Variants in ZRANB1 observed in about 807,000 individuals in gnomAD.
The protein encoded by ZRANB1 is ubiquitin thioesterase ZRANB1.
ZRANB1 carries 16 observed loss-of-function variants against 80.5 expected under a neutral mutation model. That is an observed-to-expected ratio of 0.20 (90% confidence interval 0.13 to 0.30). ZRANB1 has a LOEUF of 0.30. Ranked by LOEUF, ZRANB1 falls within the 10% of genes least tolerant of loss-of-function variation. The pLI is 1.00. For synonymous variants in ZRANB1, 291 were observed against 293.1 expected, an observed-to-expected ratio of 0.99 and a Z score of 0.07; for missense variants, 576 against 862.6, an observed-to-expected ratio of 0.67 and a Z score of 4.16.
the ZRANB1 span, chr10:124,917,212 GCCA>G: frequency 1.2e-5 from 2 of 172,296 alleles, no homozygotes; most frequent in Non-Finnish European, 2.3e-5. Flanking sequence ...CGCCGCCGCC[GCCA>G]AGCGCCCGTC....
chr10:124,938,876 A>G (rs1196672055), upstream of ZRANB1, among the ~76,000 whole-genome samples: 2 of 151,812 alleles, frequency 1.3e-5, no homozygotes, highest in Non-Finnish European at 2.9e-5. Context: ...CTGGCTAATT[A>G]AAAAAAAGTT....
At chr10:124,936,435 G>A in the ZRANB1 span, among the ~76,000 whole-genome samples, 1 of 152,180 alleles carries the variant, frequency 6.6e-6, no homozygotes, top group Non-Finnish European at 1.5e-5. Context: ...GGGTGCAGAG[G>A]TATTAATAGT....
intron 1 of ZRANB1, among the ~76,000 whole-genome samples, chr10:124,944,495 C>CTT (rs1951563376): frequency 9.2e-6 from 1 of 108,784 alleles, no homozygotes; most frequent in Non-Finnish European, 1.9e-5. Flanking sequence ...CCCCCCCCCC[C>CTT]CCCGCCCCAA....
chr10:124,956,397 C>T (rs1951687917), intron 1 of ZRANB1, among the ~76,000 whole-genome samples: 1 of 152,164 alleles, frequency 6.6e-6, no homozygotes, highest in Non-Finnish European at 1.5e-5. Context: ...ATAGTTTCTT[C>T]TTCTCTCTAC....
chr10:124,980,766 A>T (rs753365023), intron 5 of ZRANB1, among the ~76,000 whole-genome samples: 6 of 152,104 alleles, frequency 3.9e-5, no homozygotes, highest in Non-Finnish European at 8.8e-5. Context: ...GACACCACCC[A>T]TTTAACTTTT....
chr10:124,980,419 TTA>T (rs1272183571), intron 5 of ZRANB1, among the ~76,000 whole-genome samples: 1 of 152,264 alleles, frequency 6.6e-6, no homozygotes, highest in Non-Finnish European at 1.5e-5. Flanking sequence ...CTTAGCTGTC[TTA>T]TTTATAAAGT....
At position 124,984,937 on chromosome 10, in the gene ZRANB1, G is replaced by A. The variant is rs771314435; in HGVS notation, c.2072G>A (p.Arg691Gln). 14 of 1,613,920 alleles carry A rather than the reference G, an allele frequency of 8.7e-6. No homozygotes were observed. Among genetic ancestry groups the A allele is most frequent in the Non-Finnish European group, 1.2e-5 (14 of 1,179,996 alleles). Residue 691 changes from arginine (R) to glutamine (Q), a missense_variant, in exon 9 of 9, where the codon CGG (arginine) becomes CAG (glutamine). Physicochemically the swap from Arg to Gln is conservative, Grantham distance 43. This residue lies in a region of ZRANB1 where 152 missense variants were observed against 221.9 expected (regional missense o/e 0.69). Coordinates refer to ENST00000359653, the MANE Select transcript of ZRANB1 (RefSeq NM_017580.3). ...TGGCTTGACCGCTACCGACAGATCC[G>A]GCCGTGTACATCCCTGTCTGATGGA... ...EKWLDRYRQI[R>Q]PCTSLSDGEE...
At position 124,987,023 on chromosome 10, in the gene ZRANB1, C is replaced by T. The variant is rs1268276376; in HGVS notation, c.*2031C>T. 6.6e-6 allele frequency: 1 copy of T among 152,548 alleles called. No homozygotes were observed. Among genetic ancestry groups the T allele is most frequent in the Non-Finnish European group, 1.5e-5 (1 of 68,024 alleles). 9.4% of individuals were successfully genotyped at this position (152,548 alleles called of 1,614,324 possible). A position where few individuals can be genotyped will look rare whatever the true frequency, so the allele number is the denominator to read the frequency against. ...TGACCACATAGTGTGATAGGTGCAGCATTCTTCCCTGTGGGAAAGAATTAA... is the reference window on the plus strand; with the variant it reads ...TGACCACATAGTGTGATAGGTGCAGTATTCTTCCCTGTGGGAAAGAATTAA... On this transcript the variant is annotated 3_prime_UTR_variant, in exon 9 of 9. Transcript: ENST00000359653.
Position 124,986,189 on chromosome 10 carries a change from C to T in ZRANB1, c.*1197C>T, listed in dbSNP as rs1952029702. On this transcript the variant is annotated 3_prime_UTR_variant, in exon 9 of 9. Coordinates refer to ENST00000359653, the MANE Select transcript of ZRANB1 (RefSeq NM_017580.3). ...TTCAATACTGGGTAAAAATTTCAGACCTATCTCAGGAACACAGAAATATTT... is the reference window on the plus strand; with the variant it reads ...TTCAATACTGGGTAAAAATTTCAGATCTATCTCAGGAACACAGAAATATTT... 6.6e-6 allele frequency: 1 copy of T among 152,326 alleles called. No individual in the cohort carries two copies. The highest frequency in any genetic ancestry group is 1.5e-5 in the Non-Finnish European group (1 of 68,010). The allele number at this position is 152,326 out of a possible 1,614,324, so 9.4% of individuals were successfully genotyped here. A position where few individuals can be genotyped will look rare whatever the true frequency, so the allele number is the denominator to read the frequency against.
rs919118744 is a variant in ZRANB1 at position 124,987,258 on chromosome 10, C to T, written c.*2266C>T. On this transcript the variant is annotated 3_prime_UTR_variant, in exon 9 of 9. Transcript: ENST00000359653. The stretch of plus-strand genomic sequence containing the variant: ...AGGTGACAGACATTAATGACTGACT[C>T]TGGAGAGTAAGTCATACCTGCACTC... 6.6e-6 allele frequency: 1 copy of T among 152,520 alleles called. No homozygotes were observed. Among genetic ancestry groups the T allele is most frequent in the African/African-American group, 2.4e-5 (1 of 41,402 alleles). 9.4% of individuals were successfully genotyped at this position (152,520 alleles called of 1,614,324 possible). A position where few individuals can be genotyped will look rare whatever the true frequency, so the allele number is the denominator to read the frequency against.
the ZRANB1 span, among the ~76,000 whole-genome samples, chr10:124,922,080 T>C: frequency 6.6e-6 from 1 of 151,730 alleles, no homozygotes; most frequent in African/African-American, 2.4e-5. Flanking sequence ...TAGCTGGAAC[T>C]ATAGGTGTGT....
At chr10:124,963,566 T>TTTTTTTTTTTTTTTTTG (rs1564962082) in intron 1 of ZRANB1, among the ~76,000 whole-genome samples, 1 of 134,198 alleles carries the variant, frequency 7.5e-6, no homozygotes, top group Admixed American at 8.0e-5. Context: ...TTTTTTTTTT[T>TTTTTTTTTTTTTTTTTG]TTTTTTTTTT....
At chr10:124,950,842 A>G (rs1178069376) in intron 1 of ZRANB1, among the ~76,000 whole-genome samples, 1 of 152,166 alleles carries the variant, frequency 6.6e-6, no homozygotes, top group Non-Finnish European at 1.5e-5. Context: ...TTAGCAGGAC[A>G]TGGTGGTGTT....
chr10:124,929,094 A>G, the ZRANB1 span, among the ~76,000 whole-genome samples: 8 of 152,288 alleles, frequency 5.3e-5, no homozygotes, highest in South Asian at 6.2e-4. Flanking sequence ...AGTGACAAAT[A>G]ATGGTGGCTT....
intron 1 of ZRANB1, among the ~76,000 whole-genome samples, chr10:124,963,491 A>G (rs1049882895): frequency 2.0e-5 from 3 of 150,560 alleles, no homozygotes; most frequent in Admixed American, 1.3e-4. Context: ...CCTGACATTA[A>G]AAGGTGCTCA....
In ZRANB1 at chr10:124,942,668, G is replaced by C; in HGVS notation, c.175G>C (p.Glu59Gln). 1.9e-6 allele frequency: 3 copies of C among 1,614,226 alleles called. No individual in the cohort carries two copies. Among genetic ancestry groups the C allele is most frequent in the Non-Finnish European group, 2.5e-6 (3 of 1,180,040 alleles). ...TAGAGATTGGGATCCTTCCAGCACC[G>C]AAGGAGGAAGTAGTCCTTTGATATG... ...VGRDWDPSST[E>Q]GGSSPLICPD... Residue 59 changes from glutamate to glutamine, a missense_variant, in exon 1 of 9, where the codon GAA (glutamate) becomes CAA (glutamine). Around this residue, in one of 3 missense-constraint regions of ZRANB1, gnomAD observed 411 missense variants for 583.1 expected, o/e 0.70. Coordinates refer to ENST00000359653, the MANE Select transcript of ZRANB1 (RefSeq NM_017580.3).
At chr10:124,941,430 T>G (rs1589838023), upstream of ZRANB1, among the ~76,000 whole-genome samples, 1 of 152,288 alleles carries the variant, frequency 6.6e-6, no homozygotes, top group East Asian at 1.9e-4. Context: ...CTTAGCTCAC[T>G]GCAACCTCTG....
At chr10:124,927,715 T>C in the ZRANB1 span, among the ~76,000 whole-genome samples, 1 of 152,226 alleles carries the variant, frequency 6.6e-6, no homozygotes, top group East Asian at 1.9e-4. Flanking sequence ...CTAAGAACTA[T>C]TTTAGAAGTT....
chr10:124,958,313 A>T (rs1327537269), intron 1 of ZRANB1, among the ~76,000 whole-genome samples: 1 of 152,128 alleles, frequency 6.6e-6, no homozygotes, highest in Admixed American at 6.6e-5. Context: ...CAGGTATGTG[A>T]GGCTGAGGTG....
Sources: allele counts gnomAD v4.1 joint callset (sites outside exome capture counted in the v4.1 genomes callset), GRCh38; gene constraint gnomAD v4.1.1; regional missense constraint gnomAD v4.1.1; transcripts MANE v1.5; gene names NCBI Gene and HGNC (gene_info 2026-07-23, HGNC 2026-07-21).